Variants in TMEM132D observed in about 807,000 individuals in gnomAD.
TMEM132D encodes transmembrane protein 132D, also known as mature OL transmembrane protein.
A neutral mutation model predicts 62.3 loss-of-function variants in TMEM132D; 21 were observed. That is an observed-to-expected ratio of 0.34 (90% confidence interval 0.24 to 0.49). The LOEUF (loss-of-function observed/expected upper bound fraction) is 0.49. TMEM132D is among the 20% of genes least tolerant of loss of function. The pLI is 0.99. For synonymous variants in TMEM132D, 621 were observed against 575.6 expected (o/e 1.08, Z -1.13); for missense variants, 1,346 against 1,402.8 (o/e 0.96, Z 0.65).
Position 129,713,894 on chromosome 12 carries a change from C to G in TMEM132D, c.80-13196G>C, listed in dbSNP as rs138899469. Among the ~76,000 whole-genome samples, 1,182 of 152,268 alleles carry G rather than the reference C, an allele frequency of 7.8e-3. 7 individuals are homozygous for G. The highest frequency in any genetic ancestry group is 0.027 in the Middle Eastern group (8 of 294). On this transcript the variant is annotated intron_variant, in intron 1 of 8. Coordinates refer to ENST00000422113, the MANE Select transcript of TMEM132D (RefSeq NM_133448.3). ...ATGCCGATGTGGCTGGTCCAGGGAC[C>G]CTGCTTTGAGAATCAAGTCCTAATG...
intron 2 of TMEM132D, among the ~76,000 whole-genome samples, chr12:129,589,797 C>T (rs1878140764): frequency 1.3e-5 from 2 of 152,148 alleles, no homozygotes; most frequent in African/African-American, 4.8e-5. Context: ...TTATTCTGTT[C>T]TTACCAGTAG....
At chr12:129,671,439 A>G (rs1333708332) in intron 2 of TMEM132D, among the ~76,000 whole-genome samples, 1 of 152,354 alleles carries the variant, frequency 6.6e-6, no homozygotes, top group Non-Finnish European at 1.5e-5. Context: ...CACCCTAACC[A>G]GGGAAGGTTT....
chr12:129,402,974 C>CT (rs1023636621), intron 3 of TMEM132D, among the ~76,000 whole-genome samples: 3 of 152,110 alleles, frequency 2.0e-5, no homozygotes, highest in African/African-American at 7.2e-5. Flanking sequence ...GTAAATTCTG[C>CT]TTTGTTTTGC....
intron 3 of TMEM132D, among the ~76,000 whole-genome samples, chr12:129,473,114 C>T (rs547148804): frequency 5.3e-5 from 8 of 152,124 alleles, no homozygotes; most frequent in Admixed American, 2.6e-4. Flanking sequence ...CCACCTGCCT[C>T]GGCCTCCCAA....
chr12:129,296,412 T>A (rs988823961), intron 4 of TMEM132D, among the ~76,000 whole-genome samples: 1 of 152,254 alleles, frequency 6.6e-6, no homozygotes, highest in Non-Finnish European at 1.5e-5. Flanking sequence ...TCACCCCGGT[T>A]ACTTCTAAGT....
At chr12:129,671,279 T>C in intron 2 of TMEM132D, among the ~76,000 whole-genome samples, 1 of 152,168 alleles carries the variant, frequency 6.6e-6, no homozygotes, top group East Asian at 1.9e-4. Flanking sequence ...CTTTGGCATA[T>C]CCTACTTGGT....
At chr12:129,833,854 T>G (rs1490209995) in intron 1 of TMEM132D, among the ~76,000 whole-genome samples, 1 of 152,170 alleles carries the variant, frequency 6.6e-6, no homozygotes, top group Non-Finnish European at 1.5e-5. Flanking sequence ...TAACTAGGTC[T>G]GGGGATCTCG....
At position 129,403,530 on chromosome 12, in the gene TMEM132D, G is replaced by A. The variant is rs117129056; in HGVS notation, c.1116-65713C>T. Among the ~76,000 whole-genome samples the A allele has an allele frequency of 5.6e-3, 852 of 152,020 alleles. 9 individuals carry two copies. Among genetic ancestry groups the A allele is most frequent in the Middle Eastern group, 0.034 (10 of 294 alleles). ...CACACAATTTTGGAGGAACACATCTGTTGCGGAAATGCAATGAACTTGAAA... is the reference window on the plus strand; with the variant it reads ...CACACAATTTTGGAGGAACACATCTATTGCGGAAATGCAATGAACTTGAAA... On this transcript the variant is annotated intron_variant, in intron 3 of 8. Transcript: ENST00000422113.
At chr12:129,773,398 G>A (rs948601640) in intron 1 of TMEM132D, among the ~76,000 whole-genome samples, 15 of 152,182 alleles carry the variant, frequency 9.9e-5, no homozygotes, top group African/African-American at 3.1e-4. Context: ...GCAGGTAAGG[G>A]TGGTGGTGGT....
At position 129,654,297 on chromosome 12, in the gene TMEM132D, A is replaced by AGTGTGTGT. The variant is rs10607475; in HGVS notation, c.968+45505_968+45512dup. On this transcript the variant is annotated intron_variant, in intron 2 of 8. Coordinates refer to ENST00000422113, the MANE Select transcript of TMEM132D (RefSeq NM_133448.3). ...ACTCTCTCGTGTGTGTGTGTGTGTG[A>AGTGTGTGT]GTGTGTGTGTGTGTGTGTGTGTTCT... is the stretch of plus-strand genomic sequence containing the variant. Among the ~76,000 whole-genome samples the AGTGTGTGT allele has an allele frequency of 4.5e-4, 67 of 148,462 alleles. 1 individual carries two copies. Among genetic ancestry groups the AGTGTGTGT allele is most frequent in the African/African-American group, 1.6e-3 (63 of 40,346 alleles).
rs960130547 is a variant in TMEM132D, at chr12:129,246,759, C to T, written c.1300-37096G>A. ...CCAGCCTGAGCGACAGAGCAAGACT[C>T]TATCTCAAAAAAAAAAAAAAGATAG... is the stretch of plus-strand genomic sequence containing the variant. On this transcript the variant is annotated intron_variant, in intron 4 of 8. Coordinates refer to ENST00000422113, the MANE Select transcript of TMEM132D (RefSeq NM_133448.3). Among the ~76,000 whole-genome samples, 54 of 88,316 alleles carry T rather than the reference C, an allele frequency of 6.1e-4. 1 individual carries two copies. The highest frequency in any genetic ancestry group is 1.1e-3 in the Non-Finnish European group (46 of 41,474). 57.9% of individuals were successfully genotyped at this position (88,316 alleles called of 152,430 possible).
At chr12:129,087,929 T>C (rs866426691) in intron 5 of TMEM132D, among the ~76,000 whole-genome samples, 409 of 33,302 alleles carry the variant, frequency 0.012, 22 homozygotes, top group African/African-American at 0.048. Context: ...CCTGACCGGG[T>C]GTCCTCCATG....
intron 3 of TMEM132D, among the ~76,000 whole-genome samples, chr12:129,383,556 T>C (rs996973316): frequency 2.0e-5 from 3 of 152,056 alleles, no homozygotes; most frequent in Non-Finnish European, 2.9e-5. Context: ...TTCTGGTGAT[T>C]CTCCTGACTC....
At chr12:129,572,998 T>C (rs542819839) in intron 2 of TMEM132D, among the ~76,000 whole-genome samples, 2 of 152,314 alleles carry the variant, frequency 1.3e-5, no homozygotes, top group South Asian at 2.1e-4. Flanking sequence ...AAGGGTTAGA[T>C]AGACACATTG....
chr12:129,784,947 G>A (rs1296986518), intron 1 of TMEM132D, among the ~76,000 whole-genome samples: 1 of 152,164 alleles, frequency 6.6e-6, no homozygotes, highest in Non-Finnish European at 1.5e-5. Flanking sequence ...ACCAGCAATG[G>A]CAAACAAAGG....
Position 129,424,707 on chromosome 12 carries a change from CAAAAAAAAAAAAA to C in TMEM132D, c.1116-86903_1116-86891del, listed in dbSNP as rs11385383. On this transcript the variant is annotated intron_variant, in intron 3 of 8. Transcript: ENST00000422113. ...TGGGTGACAGAGCGAGACTCCATCT[CAAAAAAAAAAAAA>C]AAAAAAAAAAAAGACATCTCAACAC... Among the ~76,000 whole-genome samples, 8 of 31,828 alleles carry C rather than the reference CAAAAAAAAAAAAA, an allele frequency of 2.5e-4. No homozygotes were observed. The Admixed American group carries it at 3.3e-3, about 13-fold the overall frequency. 20.9% of individuals were successfully genotyped at this position (31,828 alleles called of 152,430 possible).
chr12:129,301,581 C>T (rs182244493), intron 4 of TMEM132D, among the ~76,000 whole-genome samples: 80 of 152,280 alleles, frequency 5.3e-4, no homozygotes, highest in African/African-American at 1.8e-3. Flanking sequence ...AATATGAGGC[C>T]TTCAGTTTCA....
chr12:129,308,117 T>C (rs1047108891), intron 4 of TMEM132D, among the ~76,000 whole-genome samples: 10 of 152,224 alleles, frequency 6.6e-5, no homozygotes, highest in African/African-American at 2.2e-4. Flanking sequence ...CCTCAGTTTA[T>C]AGGCTGACCC....
chr12:129,548,808 C>T (rs1876811201), intron 2 of TMEM132D, among the ~76,000 whole-genome samples: 1 of 152,224 alleles, frequency 6.6e-6, no homozygotes, highest in African/African-American at 2.4e-5. Flanking sequence ...CTCAGAAATG[C>T]AGAAGAGAAA....
Sources: gnomAD v4.1 joint callset for allele counts (sites outside exome capture counted in the v4.1 genomes callset) on GRCh38, gnomAD v4.1.1 for gene constraint, MANE v1.5 for transcripts, NCBI Gene and HGNC (gene_info 2026-07-23, HGNC 2026-07-21) for gene names.